The following PBX1 variants were observed in gnomAD, a reference collection of about 807,000 sequenced individuals.
PBX1 encodes PBX homeobox 1.
Under a neutral mutation model 53.4 loss-of-function variants are expected in PBX1, and 6 were observed. The observed-to-expected ratio is 0.11, with a 90% CI of 0.06 to 0.22. PBX1 has a LOEUF of 0.22. Among genes scored for constraint, PBX1 ranks in the 10% least tolerant of loss-of-function variants. The pLI is 1.00. For missense variants in PBX1, 251 were observed against 551.4 expected, an observed-to-expected ratio of 0.46 and a Z score of 5.46; for synonymous variants, 204 against 212.3, an observed-to-expected ratio of 0.96 and a Z score of 0.34.
At chr1:164,802,198 G>A (rs1458434749) in intron 4 of PBX1, among the ~76,000 whole-genome samples, 3 of 152,248 alleles carry the variant, frequency 2.0e-5, no homozygotes, top group Admixed American at 2.0e-4. Flanking sequence ...TTGCTGCGTA[G>A]CAGATTACCA....
At chr1:164,584,518 T>G (rs1230566747) in intron 2 of PBX1, among the ~76,000 whole-genome samples, 1 of 152,206 alleles carries the variant, frequency 6.6e-6, no homozygotes, top group Admixed American at 6.5e-5. Context: ...ATCACTCCAG[T>G]TAAGTGCTCA....
At chr1:164,637,775 G>A (rs1658868443) in intron 2 of PBX1, among the ~76,000 whole-genome samples, 1 of 152,126 alleles carries the variant, frequency 6.6e-6, no homozygotes, top group African/African-American at 2.4e-5. Context: ...TCACTAAATG[G>A]CAGATCCTGG....
intron 6 of PBX1, chr1:164,817,136 C>T (rs983171540): frequency 1.3e-5 from 2 of 152,288 alleles, no homozygotes; most frequent in Non-Finnish European, 2.9e-5. Flanking sequence ...CTGACAACCA[C>T]ATCTTAAAAT....
intron 8 of PBX1, among the ~76,000 whole-genome samples, chr1:164,842,461 C>T (rs1178683893): frequency 6.6e-6 from 1 of 152,152 alleles, no homozygotes; most frequent in Non-Finnish European, 1.5e-5. Context: ...ATTCCCGAAA[C>T]ACTTTGTTTC....
Position 164,849,675 on chromosome 1 carries a change from C to T in PBX1, c.*2999C>T. On this transcript the variant is annotated 3_prime_UTR_variant, in exon 9 of 9. Coordinates refer to ENST00000420696, the MANE Select transcript of PBX1 (RefSeq NM_002585.4). Reference sequence around the variant, plus strand: ...TCCTCCTTTTCATCCCTAATCCATCCTCCCTCTGGCATGGAATTGACGCCC... The same window carrying T: ...TCCTCCTTTTCATCCCTAATCCATCTTCCCTCTGGCATGGAATTGACGCCC... 2.5e-6 allele frequency: 1 copy of T among 393,862 alleles called. No individual in the cohort carries two copies. The highest frequency in any genetic ancestry group is 3.9e-5 in the East Asian group (1 of 25,960). The allele number at this position is 393,862 out of a possible 1,614,324, so 24.4% of individuals were successfully genotyped here.
chr1:164,710,446 T>G (rs888906933), intron 2 of PBX1, among the ~76,000 whole-genome samples: 12 of 152,054 alleles, frequency 7.9e-5, no homozygotes, highest in African/African-American at 2.9e-4. Context: ...AGTTTTGTTC[T>G]TGTTGCCCAG....
intron 2 of PBX1, among the ~76,000 whole-genome samples, chr1:164,691,011 C>CTTTTTTTTTTTTT (rs386368555): frequency 9.4e-6 from 1 of 106,480 alleles, no homozygotes; most frequent in Non-Finnish European, 1.8e-5. Flanking sequence ...GTTGTTAAAT[C>CTTTTTTTTTTTTT]TTTTTTTTTT....
chr1:164,824,444 G>A (rs1041096457), intron 8 of PBX1, among the ~76,000 whole-genome samples: 3 of 152,156 alleles, frequency 2.0e-5, no homozygotes, highest in Admixed American at 6.5e-5. Flanking sequence ...AAAATAAGTC[G>A]GAAAGGGATT....
At chr1:164,667,193 C>T (rs927578749) in intron 2 of PBX1, among the ~76,000 whole-genome samples, 16 of 152,090 alleles carry the variant, frequency 1.1e-4, no homozygotes, top group Non-Finnish European at 2.2e-4. Context: ...GTGACCTTCC[C>T]TTTTTCTTAC....
At chr1:164,812,251 AT>A in intron 6 of PBX1, 102 bp downstream of exon 6, 2 of 1,113,428 alleles carry the variant, frequency 1.8e-6, no homozygotes, top group Non-Finnish European at 2.5e-6. Context: ...TAGGCTTTTG[AT>A]TGGTTAATTT....
At chr1:164,606,489 T>C (rs2101815152) in intron 2 of PBX1, among the ~76,000 whole-genome samples, 1 of 152,236 alleles carries the variant, frequency 6.6e-6, no homozygotes, top group South Asian at 2.1e-4. Context: ...GCTATGAGAA[T>C]TGTTTGAACC....
chr1:164,725,514 A>G (rs1044686055), intron 2 of PBX1, among the ~76,000 whole-genome samples: 1 of 151,908 alleles, frequency 6.6e-6, no homozygotes, highest in Non-Finnish European at 1.5e-5. Context: ...TTCTGCTTGC[A>G]TGGCCTTATC....
At chr1:164,608,210 AGTGCCCAGCAT>A (rs1656686493) in intron 2 of PBX1, among the ~76,000 whole-genome samples, 1 of 152,258 alleles carries the variant, frequency 6.6e-6, no homozygotes. Context: ...ATACTTACTG[AGTGCCCAGCAT>A]GTGCCAAGTA....
rs916175535 is a variant in PBX1 at position 164,847,223 on chromosome 1, C to T, written c.*547C>T. 4.7e-6 allele frequency: 5 copies of T among 1,073,956 alleles called. No homozygotes were observed. Among genetic ancestry groups the T allele is most frequent in the African/African-American group, 3.3e-5 (2 of 61,356 alleles). 66.5% of individuals were successfully genotyped at this position (1,073,956 alleles called of 1,614,324 possible). A position where few individuals can be genotyped will look rare whatever the true frequency, so the allele number is the denominator to read the frequency against. On this transcript the variant is annotated 3_prime_UTR_variant, in exon 9 of 9. Coordinates refer to ENST00000420696, the MANE Select transcript of PBX1 (RefSeq NM_002585.4). ...CTATTCATTCCAGGCCTCCCTGCTT[C>T]CTCTTGCTCTTCCTCCCTGGGGACA...
At chr1:164,729,284 T>G (rs1311328068) in intron 2 of PBX1, among the ~76,000 whole-genome samples, 1 of 152,212 alleles carries the variant, frequency 6.6e-6, no homozygotes, top group Non-Finnish European at 1.5e-5. Context: ...AATGATAACC[T>G]ATTGAGAGAT....
chr1:164,787,326 G>T (rs926447881), intron 2 of PBX1, among the ~76,000 whole-genome samples: 3 of 152,096 alleles, frequency 2.0e-5, no homozygotes, highest in Admixed American at 2.0e-4. Flanking sequence ...CCCCTGGACT[G>T]TTGTCCAAAT....
chr1:164,732,343 T>C (rs975511518), intron 2 of PBX1, among the ~76,000 whole-genome samples: 1 of 152,206 alleles, frequency 6.6e-6, no homozygotes, highest in Admixed American at 6.5e-5. Flanking sequence ...GTTCCCCAAC[T>C]TCACATGGAT....
Position 164,660,938 on chromosome 1 carries a change from G to A in PBX1, c.265+97627G>A, listed in dbSNP as rs530855781. ...TTACCTACCTTACTGGTGGAGCCAA[G>A]CACCTTGATGTATACCTGTACTATT... On this transcript the variant is annotated intron_variant, in intron 2 of 8. Coordinates refer to ENST00000420696, the MANE Select transcript of PBX1 (RefSeq NM_002585.4). Among the ~76,000 whole-genome samples the A allele has an allele frequency of 3.3e-5, 5 of 152,260 alleles. No homozygotes were observed. In the South Asian group the frequency reaches 1.0e-3, roughly 32 times the overall value.
At chr1:164,660,343 T>TA (rs1437681526) in intron 2 of PBX1, among the ~76,000 whole-genome samples, 3 of 152,148 alleles carry the variant, frequency 2.0e-5, no homozygotes, top group Non-Finnish European at 4.4e-5. Context: ...TTGGGGAACT[T>TA]ACACTGGGTT....
Sources: gnomAD v4.1 joint callset for allele counts (sites outside exome capture counted in the v4.1 genomes callset) on GRCh38, gnomAD v4.1.1 for gene constraint, MANE v1.5 for transcripts, NCBI Gene and HGNC (gene_info 2026-07-23, HGNC 2026-07-21) for gene names.